Variants in HYDIN observed in about 807,000 individuals in gnomAD.
HYDIN encodes the protein axonemal central pair apparatus protein HYDIN.
In HYDIN, 132 loss-of-function variants were observed where a neutral mutation model predicts 403.9. The ratio of observed to expected loss-of-function variants is 0.33; its 90% confidence interval spans 0.28 to 0.38. The LOEUF (loss-of-function observed/expected upper bound fraction) is 0.38, where lower values mean the gene tolerates loss of function less well. Ranked by LOEUF, HYDIN falls within the 10% of genes least tolerant of loss-of-function variation. HYDIN has a pLI of 1.00. For synonymous variants in HYDIN, 1,202 were observed against 1,891.7 expected (o/e 0.64, Z 9.46); for missense variants, 2,827 against 5,009.5 (o/e 0.56, Z 13.15).
At chr16:71,062,810 C>T (rs901093314) in intron 16 of HYDIN, 1 of 154,290 alleles carries the variant, frequency 6.5e-6, no homozygotes, top group African/African-American at 2.4e-5. Context: ...CCCATCAACC[C>T]ATCTGGCACA....
At chr16:70,841,615 G>A (rs933029714) in intron 75 of HYDIN, among the ~76,000 whole-genome samples, 3 of 152,108 alleles carry the variant, frequency 2.0e-5, no homozygotes, top group African/African-American at 7.2e-5. Context: ...TGGTCATGAG[G>A]GATCGCCCTC....
At chr16:71,092,743 G>A (rs2083149598) in intron 11 of HYDIN, among the ~76,000 whole-genome samples, 3 of 131,530 alleles carry the variant, frequency 2.3e-5, no homozygotes, top group African/African-American at 1.0e-4. Flanking sequence ...AACATGCCCT[G>A]GTAATTTTTG....
Position 70,809,833 on chromosome 16 carries a change from G to A in HYDIN, c.14833C>T (p.Leu4945Phe), listed in dbSNP as rs1241326899. ...CGTGTGTAATTGATGAACTTCACAA[G>A]GATGATTTGGCTGCTGCCAAGGACA... ...QTVLGSSQII[L>F]VKFINYTRQR... The change falls in exon 85 of 86, where the codon CTT (leucine) becomes TTT (phenylalanine). Residue 4945 changes from leucine to phenylalanine, a missense_variant. By Grantham distance (22) the Leu-to-Phe change is conservative. Transcript: ENST00000393567. 8 of 1,614,222 alleles carry A rather than the reference G, an allele frequency of 5.0e-6. 1 individual carries two copies. The South Asian group carries it at 8.8e-5, about 18-fold the overall frequency.
intron 9 of HYDIN, among the ~76,000 whole-genome samples, chr16:71,124,698 A>G (rs1326382590): frequency 6.6e-6 from 1 of 152,232 alleles, no homozygotes; most frequent in East Asian, 1.9e-4. Flanking sequence ...GTCTTTCCTC[A>G]GTAGTCAGGA....
chr16:71,222,960 C>G (rs978538912), intron 1 of HYDIN, among the ~76,000 whole-genome samples: 1 of 152,070 alleles, frequency 6.6e-6, no homozygotes, highest in African/African-American at 2.4e-5. Flanking sequence ...CTTCACAGAA[C>G]TACAACAAAC....
At chr16:70,961,668 C>T (rs558042377) in intron 38 of HYDIN, among the ~76,000 whole-genome samples, 58 of 152,196 alleles carry the variant, frequency 3.8e-4, no homozygotes, top group African/African-American at 1.4e-3. Flanking sequence ...AAACACCTCC[C>T]AGTCTGCCAG....
At chr16:71,098,758 G>GAAAA (rs2083365696) in intron 10 of HYDIN, among the ~76,000 whole-genome samples, 17 of 118,676 alleles carry the variant, frequency 1.4e-4, no homozygotes, top group African/African-American at 5.0e-4. Flanking sequence ...AAAAAAAAAG[G>GAAAA]AGATGTGTTG....
At chr16:70,943,705 C>G in intron 42 of HYDIN, 107 bp downstream of exon 42, 1 of 1,436,112 alleles carries the variant, frequency 7.0e-7, no homozygotes, top group East Asian at 2.4e-5. Context: ...GCCTTCCGGG[C>G]TGCCGAGCTG....
intron 9 of HYDIN, among the ~76,000 whole-genome samples, chr16:71,129,421 A>G (rs1314590261): frequency 1.6e-4 from 25 of 152,252 alleles, no homozygotes; most frequent in Admixed American, 1.6e-3. Flanking sequence ...TGGTTAACAC[A>G]GTGACTGATG....
At chr16:71,145,182 A>G (rs1469041220) in intron 7 of HYDIN, among the ~76,000 whole-genome samples, 1 of 151,918 alleles carries the variant, frequency 6.6e-6, no homozygotes, top group East Asian at 2.0e-4. Flanking sequence ...AATCTTCAGA[A>G]TATGACTTTA....
At chr16:70,882,019 C>A (rs1282267921) in intron 60 of HYDIN, among the ~76,000 whole-genome samples, 2 of 152,366 alleles carry the variant, frequency 1.3e-5, no homozygotes, top group East Asian at 1.9e-4. Flanking sequence ...CAGTTTCGAG[C>A]CTGGCAGCCC....
At chr16:71,110,314 A>T (rs146165703) in intron 10 of HYDIN, among the ~76,000 whole-genome samples, 1 of 141,514 alleles carries the variant, frequency 7.1e-6, no homozygotes, top group South Asian at 2.1e-4. Context: ...TAAATATATA[A>T]AAATTTATAT....
chr16:71,196,746 A>G (rs1417220835), intron 1 of HYDIN, among the ~76,000 whole-genome samples: 1 of 152,188 alleles, frequency 6.6e-6, no homozygotes, highest in Non-Finnish European at 1.5e-5. Flanking sequence ...AAATAAAGCC[A>G]GCTAAAACCC....
intron 1 of HYDIN, among the ~76,000 whole-genome samples, chr16:71,213,768 GAAGT>G (rs1340501870): frequency 1.3e-5 from 2 of 152,122 alleles, no homozygotes; most frequent in African/African-American, 2.4e-5. Context: ...ATTAAAAATA[GAAGT>G]AACTTCCCCA....
intron 12 of HYDIN, among the ~76,000 whole-genome samples, chr16:71,081,237 TC>T (rs1329047037): frequency 1.3e-5 from 2 of 152,120 alleles, no homozygotes; most frequent in African/African-American, 4.8e-5. Context: ...TAGTGATACT[TC>T]CGGTTGCTTC....
intron 58 of HYDIN, among the ~76,000 whole-genome samples, chr16:70,885,544 T>G (rs1262350129): frequency 6.6e-6 from 1 of 151,962 alleles, no homozygotes; most frequent in African/African-American, 2.4e-5. Context: ...CTAGAAGAGA[T>G]GGAAGCAGTC....
chr16:71,208,693 A>T (rs2088424814), intron 1 of HYDIN, among the ~76,000 whole-genome samples: 1 of 152,206 alleles, frequency 6.6e-6, no homozygotes, highest in African/African-American at 2.4e-5. Context: ...GAAGATCCAA[A>T]TAAACACAAT....
chr16:70,884,143 A>G lies in HYDIN; in HGVS notation c.9775-19T>C. ...AGCGGGCCTGCAGGACAAGGGTGGG[A>G]GGGATAGGAGGCTTGGAGGCAGAGT... On this transcript the variant is annotated intron_variant, in intron 58 of 85. Coordinates refer to ENST00000393567, the MANE Select transcript of HYDIN (RefSeq NM_001270974.2). The G allele has an allele frequency of 6.4e-7, 1 of 1,551,204 alleles. No individual in the cohort carries two copies. The highest frequency in any genetic ancestry group is 8.7e-7 in the Non-Finnish European group (1 of 1,148,412).
intron 18 of HYDIN, among the ~76,000 whole-genome samples, chr16:71,058,730 A>G (rs1435374973): frequency 6.6e-6 from 1 of 152,106 alleles, no homozygotes; most frequent in Non-Finnish European, 1.5e-5. Context: ...AGCAGGTCTA[A>G]ATGTCATTAT....
Sources: allele counts gnomAD v4.1 joint callset (sites outside exome capture counted in the v4.1 genomes callset), GRCh38; gene constraint gnomAD v4.1.1; transcripts MANE v1.5; gene names NCBI Gene and HGNC (gene_info 2026-07-23, HGNC 2026-07-21).